Variants in GHR observed in about 807,000 individuals in gnomAD.
GHR encodes the protein GH receptor.
Under a neutral mutation model 67.1 loss-of-function variants are expected in GHR, and 35 were observed. The observed-to-expected ratio is 0.52, with a 90% confidence interval of 0.40 to 0.69. GHR has a LOEUF of 0.69. Ranked by LOEUF, GHR falls within the 30% of genes least tolerant of loss-of-function variation. The pLI is 0.00. For missense variants in GHR, 792 were observed against 764.6 expected (o/e 1.04, Z -0.42); for synonymous variants, 272 against 269.1 (o/e 1.01, Z -0.10).
chr5:42,664,399 T>C (rs1399589200), intron 3 of GHR, among the ~76,000 whole-genome samples: 1 of 152,132 alleles, frequency 6.6e-6, no homozygotes, highest in African/African-American at 2.4e-5. Context: ...AGCAGAGATA[T>C]AGATCAATGG....
intron 1 of GHR, chr5:42,514,365 GTC>G: frequency 1.0e-6 from 1 of 973,154 alleles, no homozygotes; most frequent in Non-Finnish European, 1.2e-6. Flanking sequence ...TGATAACCAG[GTC>G]TCTCTTCTGT....
chr5:42,650,507 A>G (rs1754961811), intron 3 of GHR, among the ~76,000 whole-genome samples: 1 of 151,080 alleles, frequency 6.6e-6, no homozygotes, highest in Non-Finnish European at 1.5e-5. Context: ...GAGGTTTAAA[A>G]ATTGTTTGAG....
At chr5:42,584,817 G>A (rs184523614) in intron 2 of GHR, among the ~76,000 whole-genome samples, 11 of 149,604 alleles carry the variant, frequency 7.4e-5, no homozygotes, top group East Asian at 5.9e-4. Context: ...ACACACACAC[G>A]TGCATGTACA....
chr5:42,571,780 A>G (rs900429591), intron 2 of GHR, among the ~76,000 whole-genome samples: 1 of 152,184 alleles, frequency 6.6e-6, no homozygotes, highest in Non-Finnish European at 1.5e-5. Context: ...CTGGTTATAT[A>G]ATAGAATGTT....
intron 3 of GHR, among the ~76,000 whole-genome samples, chr5:42,634,735 T>G (rs146275572): frequency 4.3e-4 from 65 of 152,258 alleles, no homozygotes; most frequent in Admixed American, 2.0e-4. Context: ...CCACAGAACC[T>G]TTCCTTCAGG....
intron 1 of GHR, among the ~76,000 whole-genome samples, chr5:42,477,579 C>A (rs1191196012): frequency 1.3e-5 from 2 of 152,198 alleles, no homozygotes; most frequent in Non-Finnish European, 2.9e-5. Context: ...GCCATTCCAA[C>A]TGGTGTGAGA....
chr5:42,565,055 G>T (rs971869560), intron 1 of GHR, among the ~76,000 whole-genome samples: 5 of 152,130 alleles, frequency 3.3e-5, no homozygotes, highest in African/African-American at 9.7e-5. Flanking sequence ...CCAGATAAAG[G>T]TGTATGGTCA....
At chr5:42,675,167 C>CT (rs986906355) in intron 3 of GHR, among the ~76,000 whole-genome samples, 14 of 152,160 alleles carry the variant, frequency 9.2e-5, no homozygotes, top group Non-Finnish European at 1.8e-4. Flanking sequence ...GCAGAATACA[C>CT]TTTTTTAAAA....
At chr5:42,548,411 T>G in intron 1 of GHR, 1 of 985,012 alleles carries the variant, frequency 1.0e-6, no homozygotes, top group Non-Finnish European at 1.2e-6. Flanking sequence ...CAGTGTGATG[T>G]GATCTGCTTG....
At chr5:42,536,376 G>C (rs1748256999) in intron 1 of GHR, among the ~76,000 whole-genome samples, 1 of 152,116 alleles carries the variant, frequency 6.6e-6, no homozygotes, top group South Asian at 2.1e-4. Context: ...ATCTGAAAGG[G>C]ATGCTGGATT....
chr5:42,484,147 T>A (rs1458705423), intron 1 of GHR, among the ~76,000 whole-genome samples: 1 of 152,124 alleles, frequency 6.6e-6, no homozygotes, highest in East Asian at 1.9e-4. Context: ...CTTTTTAGAG[T>A]TTTCATACTG....
At chr5:42,529,632 C>T (rs192834302) in intron 1 of GHR, among the ~76,000 whole-genome samples, 18 of 152,224 alleles carry the variant, frequency 1.2e-4, no homozygotes, top group Admixed American at 7.2e-4. Context: ...TGTTACACAC[C>T]TTGTATAACT....
intron 8 of GHR, among the ~76,000 whole-genome samples, chr5:42,717,573 G>A: frequency 6.6e-6 from 1 of 152,038 alleles, no homozygotes; most frequent in East Asian, 1.9e-4. Context: ...TGAACTATAT[G>A]GCTAACCTAC....
intron 1 of GHR, among the ~76,000 whole-genome samples, chr5:42,488,505 C>T (rs1359192986): frequency 1.3e-5 from 2 of 152,148 alleles, no homozygotes; most frequent in African/African-American, 4.8e-5. Flanking sequence ...GCCCTGTACA[C>T]TTCAGTTTCT....
intron 3 of GHR, among the ~76,000 whole-genome samples, chr5:42,659,820 G>A (rs1755475175): frequency 6.6e-6 from 1 of 152,186 alleles, no homozygotes; most frequent in South Asian, 2.1e-4. Context: ...CCTCACTCAG[G>A]AAGCGCAAGG....
intron 3 of GHR, among the ~76,000 whole-genome samples, chr5:42,632,757 G>A (rs73087455): frequency 0.026 from 3,950 of 152,104 alleles, 159 homozygotes; most frequent in African/African-American, 0.089. Context: ...GGTAAATATG[G>A]GCAAAAACAC....
chr5:42,526,312 C>T (rs1383823071), intron 1 of GHR, among the ~76,000 whole-genome samples: 5 of 152,166 alleles, frequency 3.3e-5, no homozygotes, highest in African/African-American at 1.2e-4. Context: ...CCCTGACTCT[C>T]TTCAGTTTTA....
Position 42,603,842 on chromosome 5 carries a change from A to G in GHR, c.71-25196A>G, listed in dbSNP as rs139425879. ...ACACTTCTACTGAGAGATCCTACAG[A>G]TTGGGGGCTCAGTCCCCGAGACTGT... On this transcript the variant is annotated intron_variant, in intron 2 of 9. Transcript: ENST00000230882. 1.3e-3 allele frequency among the ~76,000 whole-genome samples: 201 copies of G among 152,182 alleles called. 1 individual carries two copies. The highest frequency in any genetic ancestry group is 4.7e-3 in the African/African-American group (197 of 41,536).
chr5:42,706,226 C>T (rs116763234), intron 6 of GHR, among the ~76,000 whole-genome samples: 1,616 of 152,058 alleles, frequency 0.011, 31 homozygotes, highest in African/African-American at 0.037. Flanking sequence ...GCCTTTTGTC[C>T]ATTTTTTAAT....
Sources: allele counts gnomAD v4.1 joint callset (sites outside exome capture counted in the v4.1 genomes callset), GRCh38; gene constraint gnomAD v4.1.1; transcripts MANE v1.5; gene names NCBI Gene and HGNC (gene_info 2026-07-23, HGNC 2026-07-21).